Variants in ALDH8A1 observed in about 807,000 individuals in gnomAD.
The protein encoded by ALDH8A1 is aldehyde dehydrogenase 8 family member A1, also known as 2-aminomuconic semialdehyde dehydrogenase.
ALDH8A1 carries 39 observed loss-of-function variants against 43.3 expected under a neutral mutation model. That is an observed-to-expected ratio of 0.90 (90% CI 0.70 to 1.18). The LOEUF is 1.18. Ranked by LOEUF, ALDH8A1 falls within the 50% of genes most tolerant of loss-of-function variation. ALDH8A1 has a pLI of 0.00. For synonymous variants in ALDH8A1, 233 were observed against 243.5 expected (o/e 0.96, Z 0.40); for missense variants, 605 against 622.6 (o/e 0.97, Z 0.30).
At chr6:134,919,010 A>C in intron 6 of ALDH8A1, 143 bp from the exon 7 acceptor site, 1 of 980,230 alleles carries the variant, frequency 1.0e-6, no homozygotes. Context: ...CTTATCACTC[A>C]GCTGCTAAGC....
rs117716890 is a variant in ALDH8A1, at chr6:134,946,142, C to T, written c.139-2176G>A. Among the ~76,000 whole-genome samples the T allele has an allele frequency of 2.8e-3, 419 of 152,230 alleles. 1 individual carries two copies. Among genetic ancestry groups the T allele is most frequent in the Non-Finnish European group, 4.0e-3 (269 of 68,032 alleles). Reference sequence around the variant, plus strand: ...TATTATCTTTATAGCAGTGTTAGAACGAACTAATACAGTCACTTTTAGCTG... The same window carrying T: ...TATTATCTTTATAGCAGTGTTAGAATGAACTAATACAGTCACTTTTAGCTG... On this transcript the variant is annotated intron_variant, in intron 1 of 6. Coordinates refer to ENST00000265605, the MANE Select transcript of ALDH8A1 (RefSeq NM_022568.4).
At chr6:134,947,207 C>G (rs1489385463) in intron 1 of ALDH8A1, among the ~76,000 whole-genome samples, 1 of 152,142 alleles carries the variant, frequency 6.6e-6, no homozygotes, top group Non-Finnish European at 1.5e-5. Flanking sequence ...ACCCCTATCT[C>G]TCACCAAAAC....
intron 1 of ALDH8A1, among the ~76,000 whole-genome samples, chr6:134,946,705 C>T (rs1420558301): frequency 6.6e-6 from 1 of 151,682 alleles, no homozygotes; most frequent in Admixed American, 6.6e-5. Flanking sequence ...TTGAACCAGG[C>T]AGTCTGACTC....
intron 2 of ALDH8A1, 106 bp from the exon 3 acceptor site, chr6:134,942,670 C>A: frequency 8.3e-7 from 1 of 1,202,266 alleles, no homozygotes. Context: ...GCCTGGATTC[C>A]TTCTAGCCCG....
intron 6 of ALDH8A1, 149 bp downstream of exon 6, chr6:134,928,903 ACT>A (rs1164539474): frequency 2.7e-6 from 2 of 750,782 alleles, no homozygotes; most frequent in Non-Finnish European, 4.2e-6. Flanking sequence ...CAATGTTTAG[ACT>A]CTGTGTCCAC....
In ALDH8A1 at chr6:134,918,725, G is replaced by T. The variant is rs748639830; in HGVS notation, c.1154C>A (p.Ser385Tyr). The change falls in exon 7 of 7, where the codon TCC becomes TAC. Residue 385 changes from serine (S) to tyrosine (Y), a missense_variant. Ser to Tyr is a moderately radical substitution (Grantham distance 144). Transcript: ENST00000265605. ...AAATATCTCTTCCGTCATGCAGCAG[G>T]ATTCATCCTTAATGTCTGTTATCAC... ...PTVITDIKDE[S>Y]CCMTEEIFGP... 6.2e-7 allele frequency: 1 copy of T among 1,614,174 alleles called. No individual in the cohort carries two copies. Among genetic ancestry groups the T allele is most frequent in the Non-Finnish European group, 8.5e-7 (1 of 1,180,036 alleles).
chr6:134,928,946 T>C, intron 6 of ALDH8A1, 108 bp downstream of exon 6: 1 of 1,258,250 alleles, frequency 7.9e-7, no homozygotes, highest in South Asian at 1.5e-5. Flanking sequence ...TTTTCAAAAA[T>C]GGGGTAGTAA....
chr6:134,925,044 G>A (rs928207200), intron 6 of ALDH8A1, among the ~76,000 whole-genome samples: 1 of 152,152 alleles, frequency 6.6e-6, no homozygotes, highest in Non-Finnish European at 1.5e-5. Flanking sequence ...TTGTATATTT[G>A]TAGTAATGCT....
intron 1 of ALDH8A1, among the ~76,000 whole-genome samples, chr6:134,949,487 C>T (rs1774006530): frequency 6.6e-6 from 1 of 151,976 alleles, no homozygotes; most frequent in Admixed American, 6.6e-5. Context: ...AAACAAAGCC[C>T]ACAGTTTTTT....
At chr6:134,944,781 C>T (rs1252750211) in intron 1 of ALDH8A1, among the ~76,000 whole-genome samples, 3 of 151,496 alleles carry the variant, frequency 2.0e-5, no homozygotes, top group Non-Finnish European at 4.4e-5. Flanking sequence ...CCCAGCTACT[C>T]AGGAGGCTAA....
At chr6:134,939,186 T>C in intron 4 of ALDH8A1, 80 bp downstream of exon 4, 1 of 1,563,592 alleles carries the variant, frequency 6.4e-7, no homozygotes, top group Non-Finnish European at 8.7e-7. Context: ...GAATCGATTG[T>C]GCTGCTGAGT....
intron 1 of ALDH8A1, among the ~76,000 whole-genome samples, chr6:134,946,516 G>A (rs1287575070): frequency 1.3e-5 from 2 of 152,178 alleles, no homozygotes; most frequent in African/African-American, 4.8e-5. Context: ...TTAATACATA[G>A]AAAGCATTTA....
At chr6:134,939,509 T>C in intron 3 of ALDH8A1, 94 bp from the exon 4 acceptor site, 1 of 1,421,404 alleles carries the variant, frequency 7.0e-7, no homozygotes, top group Non-Finnish European at 9.5e-7. Context: ...TCCTTCATGC[T>C]GCAGAAAACT....
At chr6:134,935,953 CT>C (rs5880239) in intron 4 of ALDH8A1, among the ~76,000 whole-genome samples, 444 of 138,828 alleles carry the variant, frequency 3.2e-3, no homozygotes, top group African/African-American at 5.4e-3. Flanking sequence ...AGCCCCACTT[CT>C]TTTTTTTTTT....
chr6:134,946,872 T>C (rs1562261689), intron 1 of ALDH8A1, among the ~76,000 whole-genome samples: 1 of 151,974 alleles, frequency 6.6e-6, no homozygotes, highest in East Asian at 1.9e-4. Flanking sequence ...AGTACTGTCC[T>C]CTGTAAAATA....
Position 134,922,563 on chromosome 6 carries a change from T to A in ALDH8A1, c.1012-3696A>T, listed in dbSNP as rs568004955. 4.6e-5 allele frequency among the ~76,000 whole-genome samples: 7 copies of A among 152,010 alleles called. No individual in the cohort carries two copies. The East Asian group carries it at 1.4e-3, about 30-fold the overall frequency. On this transcript the variant is annotated intron_variant, in intron 6 of 6. Coordinates refer to ENST00000265605, the MANE Select transcript of ALDH8A1 (RefSeq NM_022568.4). Reference sequence around the variant, plus strand: ...CCACCACGCCTGGCTAATTTTTGTATTTTTAGTAGAGATGGGGTTTCACCA... The same window carrying A: ...CCACCACGCCTGGCTAATTTTTGTAATTTTAGTAGAGATGGGGTTTCACCA...
chr6:134,942,717 T>C (rs1773879265), intron 2 of ALDH8A1, among the ~76,000 whole-genome samples, 153 bp from the exon 3 acceptor site: 1 of 152,222 alleles, frequency 6.6e-6, no homozygotes, highest in South Asian at 2.1e-4. Flanking sequence ...GACTTGATCA[T>C]GGTTTGATAA....
intron 4 of ALDH8A1, among the ~76,000 whole-genome samples, chr6:134,938,741 G>A (rs1336554572): frequency 1.3e-5 from 2 of 152,046 alleles, no homozygotes; most frequent in Non-Finnish European, 2.9e-5. Context: ...TCCGCCTCCT[G>A]GGTTCATGCC....
chr6:134,942,450 A>T lies in ALDH8A1; in HGVS notation c.401T>A (p.Leu134Gln), dbSNP rs1773873567. 6.2e-7 allele frequency: 1 copy of T among 1,614,164 alleles called. No homozygotes were observed. Among genetic ancestry groups the T allele is most frequent in the Middle Eastern group, 1.6e-4 (1 of 6,062 alleles). ...HTSECTQMDH[L>Q]GCMHYTVRAP... The stretch of plus-strand genomic sequence containing the variant: ...CCGCACCGTGTAGTGCATGCAGCCC[A>T]GGTGGTCCATCTGCGTGCACTCTGA... Residue 134 changes from leucine to glutamine, a missense_variant, in exon 3 of 7, where the codon CTG becomes CAG. Physicochemically the swap from Leu to Gln is moderately radical, Grantham distance 113. Transcript: ENST00000265605.
Sources: allele counts gnomAD v4.1 joint callset (sites outside exome capture counted in the v4.1 genomes callset), GRCh38; gene constraint gnomAD v4.1.1; transcripts MANE v1.5; gene names NCBI Gene and HGNC (gene_info 2026-07-23, HGNC 2026-07-21).